Variants in TMEM132D observed in about 807,000 individuals in gnomAD.
The protein encoded by TMEM132D is transmembrane protein 132D, also known as mature OL transmembrane protein.
TMEM132D carries 21 observed loss-of-function variants against 62.3 expected under a neutral mutation model. The observed-to-expected ratio is 0.34, with a 90% CI of 0.24 to 0.49. The LOEUF (loss-of-function observed/expected upper bound fraction) is 0.49, where lower values mean the gene tolerates loss of function less well. Ranked by LOEUF, TMEM132D falls within the 20% of genes least tolerant of loss-of-function variation. TMEM132D has a pLI of 0.99. For synonymous variants in TMEM132D, 621 were observed against 575.6 expected (o/e 1.08, Z -1.13); for missense variants, 1,346 against 1,402.8 (o/e 0.96, Z 0.65).
At chr12:129,106,925 C>G (rs1875520314) in intron 5 of TMEM132D, among the ~76,000 whole-genome samples, 1 of 152,134 alleles carries the variant, frequency 6.6e-6, no homozygotes. Flanking sequence ...GCTGTCTTTG[C>G]CTGAACAATA....
intron 2 of TMEM132D, among the ~76,000 whole-genome samples, chr12:129,582,591 C>G (rs1290909049): frequency 1.3e-5 from 2 of 150,886 alleles, no homozygotes; most frequent in East Asian, 2.0e-4. Flanking sequence ...ATTTGAACTA[C>G]TTGTAAGACG....
At chr12:129,423,237 C>T (rs1278253033) in intron 3 of TMEM132D, among the ~76,000 whole-genome samples, 2 of 152,114 alleles carry the variant, frequency 1.3e-5, no homozygotes, top group East Asian at 3.9e-4. Flanking sequence ...TGAAATCTAT[C>T]ACGTGATGAT....
chr12:129,138,439 C>G (rs1226445353), intron 5 of TMEM132D, among the ~76,000 whole-genome samples: 1 of 152,134 alleles, frequency 6.6e-6, no homozygotes, highest in Non-Finnish European at 1.5e-5. Context: ...TGGCTAGGAC[C>G]AGGCATGGTG....
chr12:129,506,019 A>G (rs904004055), intron 3 of TMEM132D, among the ~76,000 whole-genome samples: 1 of 152,206 alleles, frequency 6.6e-6, no homozygotes, highest in Non-Finnish European at 1.5e-5. Flanking sequence ...GGCCATTTAC[A>G]TTCAACATTA....
At chr12:129,432,721 A>G (rs777260354) in intron 3 of TMEM132D, among the ~76,000 whole-genome samples, 9 of 152,252 alleles carry the variant, frequency 5.9e-5, no homozygotes, top group Non-Finnish European at 1.3e-4. Flanking sequence ...CCCAGGTAAA[A>G]GAAATGTGTG....
chr12:129,876,450 T>A (rs1340289519), intron 1 of TMEM132D, among the ~76,000 whole-genome samples: 2 of 152,254 alleles, frequency 1.3e-5, no homozygotes, highest in East Asian at 3.8e-4. Flanking sequence ...GTGATTTCTC[T>A]ACAGTAATCT....
At chr12:129,672,082 C>T (rs1362326975) in intron 2 of TMEM132D, among the ~76,000 whole-genome samples, 1 of 152,202 alleles carries the variant, frequency 6.6e-6, no homozygotes, top group Non-Finnish European at 1.5e-5. Context: ...AGGGTGAAGA[C>T]AGATTCATTT....
chr12:129,082,693 T>C (rs893786926), intron 6 of TMEM132D, among the ~76,000 whole-genome samples: 6 of 152,222 alleles, frequency 3.9e-5, no homozygotes, highest in Admixed American at 2.6e-4. Context: ...CAGCCATGCC[T>C]GGATTCCAGA....
chr12:129,321,032 C>A (rs1868688049), intron 4 of TMEM132D, among the ~76,000 whole-genome samples: 1 of 150,808 alleles, frequency 6.6e-6, no homozygotes, highest in African/African-American at 2.5e-5. Context: ...ACATTTATAG[C>A]TTTATTATCT....
chr12:129,202,862 C>T (rs768768154), intron 5 of TMEM132D, among the ~76,000 whole-genome samples: 7 of 152,204 alleles, frequency 4.6e-5, no homozygotes, highest in Non-Finnish European at 8.8e-5. Context: ...AGTGTTTAAA[C>T]TACGTGAGGC....
At chr12:129,530,990 G>GAGAAA (rs1555263129) in intron 3 of TMEM132D, 69 bp downstream of exon 3, 33 of 1,268,390 alleles carry the variant, frequency 2.6e-5, no homozygotes, top group Middle Eastern at 2.0e-4. Flanking sequence ...AGCAATCTAG[G>GAGAAA]AAAAAAAAAA....
chr12:129,244,751 G>A (rs1045142255), intron 4 of TMEM132D, among the ~76,000 whole-genome samples: 5 of 151,872 alleles, frequency 3.3e-5, no homozygotes, highest in Non-Finnish European at 4.4e-5. Flanking sequence ...AGTGATTCTC[G>A]TGCCTCAGCC....
At chr12:129,655,214 T>G (rs1880041399) in intron 2 of TMEM132D, among the ~76,000 whole-genome samples, 1 of 149,572 alleles carries the variant, frequency 6.7e-6, no homozygotes, top group African/African-American at 2.5e-5. Flanking sequence ...CCCAAAGTGC[T>G]GGGAGTACAG....
intron 1 of TMEM132D, among the ~76,000 whole-genome samples, chr12:129,784,715 G>A (rs1871208951): frequency 6.6e-6 from 1 of 152,120 alleles, no homozygotes; most frequent in African/African-American, 2.4e-5. Flanking sequence ...GCATCCCCTG[G>A]GTGAATTGAA....
chr12:129,751,170 G>A (rs766752746), intron 1 of TMEM132D, among the ~76,000 whole-genome samples: 10 of 152,172 alleles, frequency 6.6e-5, no homozygotes, highest in Non-Finnish European at 1.0e-4. Context: ...GAGAAAAGAG[G>A]TTTAATTGGC....
intron 4 of TMEM132D, among the ~76,000 whole-genome samples, chr12:129,283,149 CAAAT>C (rs2135611606): frequency 6.6e-6 from 1 of 152,290 alleles, no homozygotes; most frequent in South Asian, 2.1e-4. Context: ...ATTCAGGAAT[CAAAT>C]AACTACTTTG....
rs530595367 is a variant in TMEM132D at position 129,408,140 on chromosome 12, CT to C, written c.1116-70324del. 1.5e-3 allele frequency among the ~76,000 whole-genome samples: 221 copies of C among 152,246 alleles called. 2 individuals carry two copies. The highest frequency in any genetic ancestry group is 4.9e-3 in the African/African-American group (202 of 41,554). ...AGGATAGCACCTGACATGCATTAGC[CT>C]TTAACACACATCCACCAAACAGGAG... On this transcript the variant is annotated intron_variant, in intron 3 of 8. Coordinates refer to ENST00000422113, the MANE Select transcript of TMEM132D (RefSeq NM_133448.3).
chr12:129,164,007 G>A (rs968458976), intron 5 of TMEM132D, among the ~76,000 whole-genome samples: 1 of 152,190 alleles, frequency 6.6e-6, no homozygotes, highest in African/African-American at 2.4e-5. Context: ...TGGGTTCCCA[G>A]GCCTTCCCTG....
intron 3 of TMEM132D, among the ~76,000 whole-genome samples, chr12:129,463,300 T>G (rs1873744676): frequency 6.6e-6 from 1 of 152,034 alleles, no homozygotes; most frequent in Admixed American, 6.6e-5. Flanking sequence ...CATTTTATTT[T>G]GGGTCTCCAG....
Sources: allele counts gnomAD v4.1 joint callset (sites outside exome capture counted in the v4.1 genomes callset), GRCh38; gene constraint gnomAD v4.1.1; transcripts MANE v1.5; gene names NCBI Gene and HGNC (gene_info 2026-07-23, HGNC 2026-07-21).